The following TRIP11 variants were observed in gnomAD, a reference collection of about 807,000 sequenced individuals.
TRIP11 encodes the protein thyroid receptor-interacting protein 11.
In TRIP11, 148 loss-of-function variants were observed where a neutral mutation model predicts 223.1. That is an observed-to-expected ratio of 0.66 (90% CI 0.58 to 0.76). The LOEUF (loss-of-function observed/expected upper bound fraction) is 0.76, where lower values mean the gene tolerates loss of function less well. Ranked by LOEUF, TRIP11 falls within the 30% of genes least tolerant of loss-of-function variation. The probability of loss-of-function intolerance (pLI) is 0.00; values close to 1 mark genes in which losing one functional copy is unlikely to be tolerated. For missense variants in TRIP11, 2,043 were observed against 2,222.0 expected, an observed-to-expected ratio of 0.92 and a Z score of 1.62; for synonymous variants, 762 against 772.6, an observed-to-expected ratio of 0.99 and a Z score of 0.23.
chr14:91,998,961 T>G (rs181378380), intron 13 of TRIP11, among the ~76,000 whole-genome samples: 40 of 152,226 alleles, frequency 2.6e-4, no homozygotes, highest in Admixed American at 2.5e-3. Flanking sequence ...CAAACTATAC[T>G]CCTAAAATGG....
intron 4 of TRIP11, among the ~76,000 whole-genome samples, chr14:92,019,245 C>T (rs1373296462): frequency 1.3e-5 from 2 of 152,030 alleles, no homozygotes; most frequent in African/African-American, 4.8e-5. Context: ...CATTCTCTTC[C>T]CTATGAAATC....
At position 92,003,869 on chromosome 14, in the gene TRIP11, A is replaced by C. The variant is rs1410908715; in HGVS notation, c.4107T>G (p.Asn1369Lys). The change falls in exon 11 of 21, where the codon AAT becomes AAG. Residue 1369 changes from asparagine to lysine, a missense_variant. Physicochemically the swap from Asn to Lys is moderately conservative, Grantham distance 94. Transcript: ENST00000267622. ...KDATIRTLQE[N>K]NHRLSDSIAA... ...CAATCGAATCAGACAATCTGTGGTT[A>C]TTTTCCTGGAGAGTTCTAATTGTTG... 6.2e-7 allele frequency: 1 copy of C among 1,613,750 alleles called. No individual in the cohort carries two copies. The highest frequency in any genetic ancestry group is 8.5e-7 in the Non-Finnish European group (1 of 1,180,004).
chr14:92,004,592 G>C lies in TRIP11; in HGVS notation c.3384C>G (p.Ala1128=). The stretch of plus-strand genomic sequence containing the variant: ...GCAGTTTGATAAGAGCTGCTTCCTT[G>C]GCAGCAACAATATCCATCATTTTGT... ...EYHKMMDIVA[A]KEAALIKLQD... The change falls in exon 11 of 21, where the codon GCC becomes GCG. Residue 1128 remains alanine (A), a synonymous_variant. Coordinates refer to ENST00000267622, the MANE Select transcript of TRIP11 (RefSeq NM_004239.4). 1.2e-6 allele frequency: 2 copies of C among 1,613,930 alleles called. No individual in the cohort carries two copies. Among genetic ancestry groups the C allele is most frequent in the Non-Finnish European group, 1.7e-6 (2 of 1,180,004 alleles).
In TRIP11 at chr14:92,007,736, C is replaced by A; in HGVS notation, c.1431G>T (p.Glu477Asp). The A allele has an allele frequency of 1.9e-6, 3 of 1,613,716 alleles. No homozygotes were observed. The highest frequency in any genetic ancestry group is 2.5e-6 in the Non-Finnish European group (3 of 1,179,966). ...SELHDLRLNL[E>D]AKEQELNQSI... ...TCTGATTGAGTTCTTGTTCCTTTGC[C>A]TCCAAATTAAGTCTTAAGTCATGTA... Residue 477 changes from glutamate (E) to aspartate (D), a missense_variant, in exon 10 of 21, where the codon GAG (glutamate) becomes GAT (aspartate). Coordinates refer to ENST00000267622, the MANE Select transcript of TRIP11 (RefSeq NM_004239.4).
chr14:91,971,586 G>A (rs2056401127), intron 20 of TRIP11, among the ~76,000 whole-genome samples: 1 of 151,834 alleles, frequency 6.6e-6, no homozygotes, highest in Non-Finnish European at 1.5e-5. Flanking sequence ...GAAGGAGAAG[G>A]GAAGAAAAGG....
In TRIP11 at chr14:92,026,930, G is replaced by A. The variant is rs887737691; in HGVS notation, c.202-1510C>T. 1.4e-4 allele frequency: 184 copies of A among 1,276,234 alleles called. No individual in the cohort carries two copies. In the African/African-American group the frequency reaches 2.3e-3, roughly 16 times the overall value. The allele number at this position is 1,276,234 out of a possible 1,614,324, so 79.1% of individuals were successfully genotyped here. A position where few individuals can be genotyped will look rare whatever the true frequency, so the allele number is the denominator to read the frequency against. Reference sequence around the variant, plus strand: ...GTTAAACTAAAAAAAAGGCCGCCGCGACCTATTCACCCTCCACTTCCCCTC... The same window carrying A: ...GTTAAACTAAAAAAAAGGCCGCCGCAACCTATTCACCCTCCACTTCCCCTC... On this transcript the variant is annotated intron_variant, in intron 2 of 20. Coordinates refer to ENST00000267622, the MANE Select transcript of TRIP11 (RefSeq NM_004239.4).
Position 92,006,211 on chromosome 14 carries a change from C to T in TRIP11, c.1765G>A (p.Val589Ile). The change falls in exon 11 of 21, where the codon GTA becomes ATA. Residue 589 changes from valine (V) to isoleucine (I), a missense_variant. Transcript: ENST00000267622. ...QKLEDKVENL[V>I]DQLNKSQESN... The stretch of plus-strand genomic sequence containing the variant: ...TCTTGTGATTTATTTAGCTGATCTA[C>T]TAAATTTTCTACTTTGTCCTCAAGT... The T allele has an allele frequency of 6.2e-7, 1 of 1,613,248 alleles. No homozygotes were observed. The highest frequency in any genetic ancestry group is 8.5e-7 in the Non-Finnish European group (1 of 1,179,784).
intron 2 of TRIP11, among the ~76,000 whole-genome samples, chr14:92,028,180 T>G (rs1053656999): frequency 1.3e-5 from 2 of 152,214 alleles, no homozygotes; most frequent in Non-Finnish European, 2.9e-5. Context: ...TAACTCTGAT[T>G]AATAAATAGA....
At chr14:91,988,405 A>C (rs1375756401) in intron 15 of TRIP11, 22 bp from the exon 16 acceptor site, 1 of 1,601,278 alleles carries the variant, frequency 6.2e-7, no homozygotes, top group Non-Finnish European at 8.6e-7. Flanking sequence ...AACTTTATTA[A>C]AAAAAAGTAT....
At chr14:91,969,979 T>G in intron 20 of TRIP11, 86 bp from the exon 21 acceptor site, 4 of 1,272,302 alleles carry the variant, frequency 3.1e-6, no homozygotes, top group Non-Finnish European at 4.5e-6. Flanking sequence ...CATAAAGTTA[T>G]CTGTGTAATA....
At position 91,975,295 on chromosome 14, in the gene TRIP11, A is replaced by G; in HGVS notation, c.5343-9T>C. 3 of 1,606,844 alleles carry G rather than the reference A, an allele frequency of 1.9e-6. No individual in the cohort carries two copies. The highest frequency in any genetic ancestry group is 2.6e-6 in the Non-Finnish European group (3 of 1,173,876). On this transcript the variant is annotated splice_polypyrimidine_tract_variant and intron_variant, in intron 17 of 20. Coordinates refer to ENST00000267622, the MANE Select transcript of TRIP11 (RefSeq NM_004239.4). ...GGTTTCTCATTAGGACTCTATGAAA[A>G]TAAAGGCAGAAACAGCTCAAGTGAA... is the stretch of plus-strand genomic sequence containing the variant.
intron 13 of TRIP11, among the ~76,000 whole-genome samples, chr14:91,998,631 TG>T (rs1446578263): frequency 6.6e-6 from 1 of 151,714 alleles, no homozygotes; most frequent in Non-Finnish European, 1.5e-5. Flanking sequence ...TCTGGGCATG[TG>T]GGGCTCTGTG....
At chr14:92,021,067 C>T (rs1367045197) in intron 4 of TRIP11, among the ~76,000 whole-genome samples, 1 of 102,488 alleles carries the variant, frequency 9.8e-6, no homozygotes, top group African/African-American at 4.1e-5. Flanking sequence ...AAGACTCTGT[C>T]TCAAAAAAAA....
At chr14:92,024,823 T>C (rs1044376655) in intron 3 of TRIP11, among the ~76,000 whole-genome samples, 2 of 152,168 alleles carry the variant, frequency 1.3e-5, no homozygotes, top group African/African-American at 4.8e-5. Flanking sequence ...AGAGTAACAT[T>C]AAATTATATA....
At chr14:92,039,177 T>C (rs1302028393) in intron 1 of TRIP11, among the ~76,000 whole-genome samples, 1 of 152,186 alleles carries the variant, frequency 6.6e-6, no homozygotes, top group Non-Finnish European at 1.5e-5. Flanking sequence ...TATACAATTC[T>C]TTAAACTGGG....
At position 92,005,798 on chromosome 14, in the gene TRIP11, A is replaced by G. The variant is rs1347305572; in HGVS notation, c.2178T>C (p.Cys726=). 1 of 1,614,016 alleles carries G rather than the reference A, an allele frequency of 6.2e-7. No homozygotes were observed. The highest frequency in any genetic ancestry group is 8.5e-7 in the Non-Finnish European group (1 of 1,180,018). The change falls in exon 11 of 21, where the codon TGT becomes TGC. Residue 726 remains cysteine, a synonymous_variant. Coordinates refer to ENST00000267622, the MANE Select transcript of TRIP11 (RefSeq NM_004239.4). ...CTTCCAACAGCCTCTTTTTAGCCCA[A>G]CACAATTCTGCCTCTATCTCTCCTT... ...MEKGEIEAEL[C]WAKKRLLEEA... is the part of the protein sequence containing the mutation.
rs1403571122 is a variant in TRIP11, at chr14:92,005,311, C to G, written c.2665G>C (p.Asp889His). 3 of 1,613,940 alleles carry G rather than the reference C, an allele frequency of 1.9e-6. No individual in the cohort carries two copies. The highest frequency in any genetic ancestry group is 1.7e-5 in the Admixed American group (1 of 59,982). ...TCAGATGCTAGTTCAGTAACACTAT[C>G]AAGGGTTTTAGGGTCAGCCACAGGT... ...TAPVADPKTL[D>H]SVTELASEVS... is the part of the protein sequence containing the mutation. The change falls in exon 11 of 21, where the codon GAT (aspartate) becomes CAT (histidine). Residue 889 changes from aspartate to histidine, a missense_variant. Asp to His is a moderately conservative substitution (Grantham distance 81). Transcript: ENST00000267622.
intron 13 of TRIP11, among the ~76,000 whole-genome samples, chr14:91,998,704 AC>A (rs1289869615): frequency 3.3e-5 from 5 of 149,764 alleles, no homozygotes; most frequent in Non-Finnish European, 6.0e-5. Context: ...AAAAAAAAAA[AC>A]AAGAAAAAAG....
intron 14 of TRIP11, among the ~76,000 whole-genome samples, chr14:91,994,887 T>C (rs1025212060): frequency 2.0e-5 from 3 of 152,238 alleles, no homozygotes; most frequent in Non-Finnish European, 2.9e-5. Context: ...CCTCAAAGCA[T>C]AGATGAATAG....
Sources: allele counts gnomAD v4.1 joint callset (sites outside exome capture counted in the v4.1 genomes callset), GRCh38; gene constraint gnomAD v4.1.1; transcripts MANE v1.5; gene names NCBI Gene and HGNC (gene_info 2026-07-23, HGNC 2026-07-21).